The following RNF213 variants were observed in gnomAD, a reference collection of about 807,000 sequenced individuals.
The protein encoded by RNF213 is E3 ubiquitin-protein ligase RNF213.
RNF213 carries 341 observed loss-of-function variants against 514.4 expected under a neutral mutation model. The ratio of observed to expected loss-of-function variants is 0.66; its 90% CI spans 0.61 to 0.73. The LOEUF (loss-of-function observed/expected upper bound fraction) is 0.73, where lower values mean the gene tolerates loss of function less well. Among genes scored for constraint, RNF213 ranks in the 30% least tolerant of loss-of-function variants. The probability of loss-of-function intolerance (pLI) is 0.00; values close to 1 mark genes in which losing one functional copy is unlikely to be tolerated. For synonymous variants in RNF213, 2,655 were observed against 2,658.2 expected, an observed-to-expected ratio of 1.00 and a Z score of 0.04; for missense variants, 5,767 against 6,615.6, an observed-to-expected ratio of 0.87 and a Z score of 4.45.
rs559730039 is a variant in RNF213 at position 80,373,843 on chromosome 17, G to GA, written c.12943-605dup. Among the ~76,000 whole-genome samples, 466 of 149,854 alleles carry GA rather than the reference G, an allele frequency of 3.1e-3. 1 individual carries two copies. The highest frequency in any genetic ancestry group is 0.017 in the Middle Eastern group (5 of 290). On this transcript the variant is annotated intron_variant, in intron 49 of 67. Coordinates refer to ENST00000582970, the MANE Select transcript of RNF213 (RefSeq NM_001256071.3). ...GGTGAAACCTTGTCTCTACTTCAAA[G>GA]AAAAAAAAAATTAGCTGGACATGAT... is the stretch of plus-strand genomic sequence containing the variant.
At chr17:80,311,608 T>TC (rs1224678809) in intron 14 of RNF213, among the ~76,000 whole-genome samples, 3 of 152,236 alleles carry the variant, frequency 2.0e-5, no homozygotes, top group Non-Finnish European at 4.4e-5. Context: ...GCCTGTATCT[T>TC]CCCGCCCTGG....
intron 36 of RNF213, chr17:80,355,326 G>A (rs750031507): frequency 4.4e-6 from 2 of 450,150 alleles, no homozygotes; most frequent in South Asian, 3.1e-5. Context: ...GGGGTGAACG[G>A]TAATGGGGGC....
At chr17:80,340,609 G>GGT in intron 26 of RNF213, 1 of 128,756 alleles carries the variant, frequency 7.8e-6, no homozygotes. Flanking sequence ...GTACTTTGTG[G>GGT]TTTTTTTTTT....
At position 80,306,394 on chromosome 17, in the gene RNF213, C is replaced by T. The variant is rs760128593; in HGVS notation, c.2353C>T (p.Pro785Ser). ...ENFIEHLGRF[P>S]AHILDCLSGI... ...CTTCATTGAGCACCTGGGTCGTTTT[C>T]CTGCTCATATCCTGGACTGTCTTTC... The change falls in exon 12 of 68, where the codon CCT (proline) becomes TCT (serine). Residue 785 changes from proline to serine, a missense_variant. By Grantham distance (74) the Pro-to-Ser change is moderately conservative. Coordinates refer to ENST00000582970, the MANE Select transcript of RNF213 (RefSeq NM_001256071.3). 3.7e-6 allele frequency: 6 copies of T among 1,614,140 alleles called. No homozygotes were observed. Among genetic ancestry groups the T allele is most frequent in the Non-Finnish European group, 4.2e-6 (5 of 1,180,032 alleles).
chr17:80,269,450 A>G (rs988191456), intron 2 of RNF213, among the ~76,000 whole-genome samples: 4 of 146,914 alleles, frequency 2.7e-5, no homozygotes, highest in African/African-American at 7.7e-5. Flanking sequence ...CTATCCATCC[A>G]TCTATTCATC....
chr17:80,287,799 C>G lies in RNF213; in HGVS notation c.262-16C>G. ...TAAATCTAAGAAATAAAGTGAGTGT[C>G]TCTCTTTCTGTTTAGAGCAAAAAGA... On this transcript the variant is annotated splice_polypyrimidine_tract_variant and intron_variant, in intron 3 of 67. Coordinates refer to ENST00000582970, the MANE Select transcript of RNF213 (RefSeq NM_001256071.3). 1 of 1,613,004 alleles carries G rather than the reference C, an allele frequency of 6.2e-7. No individual in the cohort carries two copies. Among genetic ancestry groups the G allele is most frequent in the Non-Finnish European group, 8.5e-7 (1 of 1,179,228 alleles).
Position 80,366,190 on chromosome 17 carries a change from C to T in RNF213, c.11872-1558C>T, listed in dbSNP as rs927280076. Reference sequence around the variant, plus strand: ...CCTCGGCCGGGCAGGAAGTTGTCGACGGAACTGCTGCAGGATGGCACGGGT... The same window carrying T: ...CCTCGGCCGGGCAGGAAGTTGTCGATGGAACTGCTGCAGGATGGCACGGGT... On this transcript the variant is annotated intron_variant, in intron 42 of 67. Transcript: ENST00000582970. Among the ~76,000 whole-genome samples, 7 of 152,172 alleles carry T rather than the reference C, an allele frequency of 4.6e-5. No homozygotes were observed. In the East Asian group the frequency reaches 1.3e-3, roughly 29 times the overall value.
chr17:80,290,417 GTGTGCGAGTGTGCGC>G (rs1486237171), intron 6 of RNF213, among the ~76,000 whole-genome samples, 138 bp from the exon 7 acceptor site: 3 of 149,912 alleles, frequency 2.0e-5, no homozygotes, highest in Non-Finnish European at 4.5e-5. Flanking sequence ...GTGTGTGCGT[GTGTGCGAGTGTGCGC>G]GTGTGTGCAT....
At position 80,336,389 on chromosome 17, in the gene RNF213, T is replaced by C. The variant is rs1319757892; in HGVS notation, c.4527+11T>C. On this transcript the variant is annotated intron_variant, in intron 23 of 67. Coordinates refer to ENST00000582970, the MANE Select transcript of RNF213 (RefSeq NM_001256071.3). ...CTGCCCAGGAAACTGGTGAGTCTTA[T>C]TCTGTCTCTAATGCAGATTTTGTTG... 6.5e-6 allele frequency: 10 copies of C among 1,536,576 alleles called. No individual in the cohort carries two copies. The highest frequency in any genetic ancestry group is 2.4e-5 in the South Asian group (2 of 84,046).
At chr17:80,266,643 A>G (rs1237692733) in intron 2 of RNF213, among the ~76,000 whole-genome samples, 1 of 151,998 alleles carries the variant, frequency 6.6e-6, no homozygotes, top group Non-Finnish European at 1.5e-5. Flanking sequence ...CGGGGATTAC[A>G]GGCGTGAGGC....
In RNF213 at chr17:80,351,719, G is replaced by C. The variant is rs2144204168; in HGVS notation, c.10219G>C (p.Glu3407Gln). ...SVINEINKIR[E>Q]NEDRIFVYFI... ...TATAAATGAAATCAACAAAATACGA[G>C]AAAATGAGGACCGTATCTTCGTCTA... is the stretch of plus-strand genomic sequence containing the variant. Residue 3407 changes from glutamate (E) to glutamine (Q), a missense_variant, in exon 32 of 68, where the codon GAA (glutamate) becomes CAA (glutamine). Glu to Gln is a conservative substitution (Grantham distance 29). Transcript: ENST00000582970. 1 of 1,610,258 alleles carries C rather than the reference G, an allele frequency of 6.2e-7. No homozygotes were observed. The highest frequency in any genetic ancestry group is 8.5e-7 in the Non-Finnish European group (1 of 1,176,774).
chr17:80,281,096 C>T (rs1383190245), intron 3 of RNF213, among the ~76,000 whole-genome samples: 1 of 146,458 alleles, frequency 6.8e-6, no homozygotes, highest in Non-Finnish European at 1.5e-5. Flanking sequence ...ACATACCCCA[C>T]TCACACATAC....
Position 80,345,421 on chromosome 17 carries a change from T to A in RNF213, c.7086T>A (p.Asn2362Lys). Reference sequence around the variant, plus strand: ...TGCTGCTCCAGAGGGTGCCCTTCAATGTCGACTTTGATAAACTGCCCAGAC... The same window carrying A: ...TGCTGCTCCAGAGGGTGCCCTTCAAAGTCGACTTTGATAAACTGCCCAGAC... ...QGLLLQRVPF[N>K]VDFDKLPRHK... Residue 2362 changes from asparagine (N) to lysine (K), a missense_variant, in exon 29 of 68, where the codon AAT becomes AAA. Asn to Lys is a moderately conservative substitution (Grantham distance 94). This residue lies in a region of RNF213 where 1,377 missense variants were observed against 1,635.2 expected (regional missense o/e 0.84). Transcript: ENST00000582970. The surrounding 1 kb of genome is among the most constrained non-coding windows in gnomAD (Gnocchi z 6.0). 1 of 1,613,796 alleles carries A rather than the reference T, an allele frequency of 6.2e-7. No homozygotes were observed. Among genetic ancestry groups the A allele is most frequent in the Non-Finnish European group, 8.5e-7 (1 of 1,179,752 alleles).
rs1054249095 is a variant in RNF213 at position 80,363,452 on chromosome 17, T to C, written c.11568+138T>C. On this transcript the variant is annotated intron_variant, in intron 40 of 67. Transcript: ENST00000582970. ...CATACCTTAGCTGAATTCAGAGATG[T>C]TAAGGACACATCTCGCTGACGCTTC... The C allele has an allele frequency of 4.2e-6, 5 of 1,202,772 alleles. No individual in the cohort carries two copies. In the African/African-American group the frequency reaches 7.5e-5, roughly 18 times the overall value. 74.5% of individuals were successfully genotyped at this position (1,202,772 alleles called of 1,614,324 possible).
chr17:80,374,768 C>G, intron 50 of RNF213, 179 bp downstream of exon 50: 1 of 680,660 alleles, frequency 1.5e-6, no homozygotes, highest in Non-Finnish European at 2.6e-6. Flanking sequence ...TGTGCGTGAA[C>G]CAGTGGCTGG....
At chr17:80,335,110 A>C (rs1042730700) in intron 22 of RNF213, among the ~76,000 whole-genome samples, 2 of 151,858 alleles carry the variant, frequency 1.3e-5, no homozygotes, top group Admixed American at 1.3e-4. Flanking sequence ...TTTAGTAGAG[A>C]TGGGGTTTCA....
intron 57 of RNF213, chr17:80,381,975 G>T: frequency 7.7e-6 from 4 of 521,054 alleles, no homozygotes. Context: ...ATTCACCCCT[G>T]CCTGGCTAAG....
intron 3 of RNF213, among the ~76,000 whole-genome samples, chr17:80,277,005 C>T (rs1016215862): frequency 6.6e-5 from 10 of 151,362 alleles, no homozygotes; most frequent in Non-Finnish European, 1.3e-4. Flanking sequence ...TTCAGTGAGC[C>T]GAGATCGCAC....
At chr17:80,305,628 T>TC (rs2045331821) in intron 11 of RNF213, among the ~76,000 whole-genome samples, 1 of 151,936 alleles carries the variant, frequency 6.6e-6, no homozygotes, top group African/African-American at 2.4e-5. Context: ...TTTTTTTTTT[T>TC]TGAGACAGAG....
Sources: allele counts gnomAD v4.1 joint callset (sites outside exome capture counted in the v4.1 genomes callset), GRCh38; gene constraint gnomAD v4.1.1; regional missense constraint gnomAD v4.1.1; non-coding constraint Gnocchi (gnomAD v3.1); transcripts MANE v1.5; gene names NCBI Gene and HGNC (gene_info 2026-07-23, HGNC 2026-07-21).